Variants in DPP10 observed in about 807,000 individuals in gnomAD.
DPP10 encodes the protein dipeptidyl peptidase like 10.
A neutral mutation model predicts 120.9 loss-of-function variants in DPP10; 33 were observed. That is an observed-to-expected ratio of 0.27 (90% CI 0.21 to 0.37). The LOEUF (loss-of-function observed/expected upper bound fraction) is 0.37, where lower values mean the gene tolerates loss of function less well. Ranked by LOEUF, DPP10 falls within the 10% of genes least tolerant of loss-of-function variation. The probability of loss-of-function intolerance (pLI) is 1.00; values close to 1 mark genes in which losing one functional copy is unlikely to be tolerated. For missense variants in DPP10, 816 were observed against 942.8 expected (o/e 0.87, Z 1.76); for synonymous variants, 337 against 326.1 (o/e 1.03, Z -0.36).
intron 4 of DPP10, among the ~76,000 whole-genome samples, chr2:115,502,929 A>G (rs1008642666): frequency 6.6e-6 from 1 of 151,736 alleles, no homozygotes; most frequent in African/African-American, 2.4e-5. Context: ...ATCTTGAACT[A>G]TATCCTCAAG....
At chr2:114,677,559 T>C (rs1698750081) in intron 1 of DPP10, among the ~76,000 whole-genome samples, 1 of 152,144 alleles carries the variant, frequency 6.6e-6, no homozygotes, top group East Asian at 1.9e-4. Context: ...CTCACAACGG[T>C]CCACTGAATT....
chr2:115,699,474 C>T (rs1325542163), intron 7 of DPP10, among the ~76,000 whole-genome samples: 1 of 152,064 alleles, frequency 6.6e-6, no homozygotes, highest in Non-Finnish European at 1.5e-5. Context: ...TGTTGGCAGG[C>T]ACCTGTAATC....
intron 1 of DPP10, among the ~76,000 whole-genome samples, chr2:114,495,088 A>T (rs1033791542): frequency 6.6e-6 from 1 of 152,180 alleles, no homozygotes; most frequent in Non-Finnish European, 1.5e-5. Context: ...TCACTGAAAA[A>T]GTTACAGTTT....
intron 21 of DPP10, among the ~76,000 whole-genome samples, chr2:115,835,129 C>CT (rs1491349016): frequency 6.8e-6 from 1 of 146,864 alleles, no homozygotes; most frequent in African/African-American, 2.7e-5. Context: ...GAGCAAGACT[C>CT]TGTCTAAAAA....
At chr2:115,118,747 T>TTGTGTGTG (rs59183186) in intron 1 of DPP10, among the ~76,000 whole-genome samples, 223 of 140,508 alleles carry the variant, frequency 1.6e-3, no homozygotes, top group African/African-American at 4.4e-3. Flanking sequence ...ACACAGCTAA[T>TTGTGTGTG]TGTGTGTGTG....
intron 1 of DPP10, among the ~76,000 whole-genome samples, chr2:115,035,986 T>C (rs1362479975): frequency 6.6e-6 from 1 of 152,216 alleles, no homozygotes; most frequent in Admixed American, 6.5e-5. Context: ...AAAAGACATA[T>C]GTAATTATAT....
At chr2:115,488,639 C>T (rs1406297449) in intron 3 of DPP10, among the ~76,000 whole-genome samples, 1 of 86,380 alleles carries the variant, frequency 1.2e-5, no homozygotes, top group Non-Finnish European at 2.3e-5. Context: ...AACAAAAAAC[C>T]AAACACCGCA....
intron 1 of DPP10, among the ~76,000 whole-genome samples, chr2:115,023,985 C>T (rs1703267236): frequency 2.6e-5 from 4 of 151,970 alleles, no homozygotes; most frequent in Non-Finnish European, 5.9e-5. Flanking sequence ...AAGACTAATA[C>T]ATCAGATTTT....
intron 1 of DPP10, among the ~76,000 whole-genome samples, chr2:114,689,831 G>A (rs894759563): frequency 1.3e-5 from 2 of 152,022 alleles, no homozygotes. Flanking sequence ...AATGATCAGT[G>A]ATGCTGAGCT....
intron 1 of DPP10, among the ~76,000 whole-genome samples, chr2:115,160,470 G>A (rs2052226681): frequency 6.6e-6 from 1 of 152,196 alleles, no homozygotes; most frequent in African/African-American, 2.4e-5. Flanking sequence ...ACTAATTAAT[G>A]GACTGAGTGG....
chr2:114,872,918 A>C (rs1285391488), intron 1 of DPP10, among the ~76,000 whole-genome samples: 1 of 152,182 alleles, frequency 6.6e-6, no homozygotes, highest in South Asian at 2.1e-4. Flanking sequence ...CACATTCTCC[A>C]AGCCCACTTT....
At chr2:114,686,611 ACT>A (rs1388016261) in intron 1 of DPP10, among the ~76,000 whole-genome samples, 1 of 151,846 alleles carries the variant, frequency 6.6e-6, no homozygotes, top group African/African-American at 2.4e-5. Context: ...AGGGGCAATG[ACT>A]CTGAATGGCC....
At chr2:114,560,497 G>A (rs1688680898) in intron 1 of DPP10, among the ~76,000 whole-genome samples, 1 of 152,170 alleles carries the variant, frequency 6.6e-6, no homozygotes, top group Non-Finnish European at 1.5e-5. Context: ...CCAGTGTCAG[G>A]TAGTCAGGCC....
intron 3 of DPP10, among the ~76,000 whole-genome samples, chr2:115,397,478 G>T (rs868194110): frequency 6.6e-5 from 10 of 152,190 alleles, no homozygotes; most frequent in African/African-American, 2.4e-4. Flanking sequence ...AGGGACTAGA[G>T]TTATATTCTA....
intron 5 of DPP10, among the ~76,000 whole-genome samples, chr2:115,571,479 A>G (rs1383899673): frequency 6.6e-6 from 1 of 152,150 alleles, no homozygotes; most frequent in Non-Finnish European, 1.5e-5. Flanking sequence ...GAGAACATGT[A>G]GTATTTGGTT....
At chr2:114,922,210 A>T (rs1385385261) in intron 1 of DPP10, among the ~76,000 whole-genome samples, 1 of 152,210 alleles carries the variant, frequency 6.6e-6, no homozygotes, top group Non-Finnish European at 1.5e-5. Flanking sequence ...ATTTTAGAAC[A>T]CTTTCATTAC....
rs1006113606 is a variant in DPP10, at chr2:115,528,360, AAAAT to A, written c.441+2412_441+2415del. On this transcript the variant is annotated intron_variant, in intron 5 of 25. Coordinates refer to ENST00000410059, the MANE Select transcript of DPP10 (RefSeq NM_020868.6). ...GTACCCTAGAACTTAAAGTATAATA[AAAAT>A]AAATAAATAAATAAATAAATAAAAA... is the stretch of plus-strand genomic sequence containing the variant. Among the ~76,000 whole-genome samples the A allele has an allele frequency of 2.1e-3, 317 of 151,706 alleles. 4 individuals are homozygous for A. Among genetic ancestry groups the A allele is most frequent in the African/African-American group, 6.7e-3 (278 of 41,410 alleles).
At chr2:114,686,675 A>G (rs1377732389) in intron 1 of DPP10, among the ~76,000 whole-genome samples, 1 of 151,940 alleles carries the variant, frequency 6.6e-6, no homozygotes, top group Non-Finnish European at 1.5e-5. Flanking sequence ...CAGATAGGAT[A>G]AGGAGCATTA....
At chr2:115,440,482 T>C (rs2071927790) in intron 3 of DPP10, among the ~76,000 whole-genome samples, 1 of 152,176 alleles carries the variant, frequency 6.6e-6, no homozygotes, top group Non-Finnish European at 1.5e-5. Context: ...CAATTTCTTA[T>C]CTTGTTGTAC....
Sources: allele counts gnomAD v4.1 joint callset (sites outside exome capture counted in the v4.1 genomes callset), GRCh38; gene constraint gnomAD v4.1.1; transcripts MANE v1.5; gene names NCBI Gene and HGNC (gene_info 2026-07-23, HGNC 2026-07-21).